AP3S1: variants seen among roughly 807,000 people sequenced by gnomAD.
AP3S1 encodes the protein adaptor related protein complex 3 subunit sigma 1, also known as AP-3 complex subunit sigma-1.
In AP3S1, 12 loss-of-function variants were observed where a neutral mutation model predicts 21.3. The ratio of observed to expected loss-of-function variants is 0.56; its 90% CI spans 0.36 to 0.91. The LOEUF (loss-of-function observed/expected upper bound fraction) is 0.91. AP3S1 is among the 40% of genes least tolerant of loss of function. AP3S1 has a pLI of 0.01. For synonymous variants in AP3S1, 48 were observed against 78.4 expected (o/e 0.61, Z 2.05); for missense variants, 116 against 225.0 (o/e 0.52, Z 3.10).
At chr5:115,859,562 C>T (rs1157285689) in intron 1 of AP3S1, among the ~76,000 whole-genome samples, 1 of 152,210 alleles carries the variant, frequency 6.6e-6, no homozygotes, top group Non-Finnish European at 1.5e-5. Context: ...GGAAGAGATA[C>T]ACCCAGTAGG....
intron 3 of AP3S1, among the ~76,000 whole-genome samples, chr5:115,888,088 T>C (rs565686150): frequency 1.3e-5 from 2 of 152,240 alleles, no homozygotes; most frequent in East Asian, 3.9e-4. Context: ...TTTGAATTCC[T>C]TGAGGACAGA....
chr5:115,862,322 T>TA (rs957641260), intron 1 of AP3S1, among the ~76,000 whole-genome samples: 23 of 151,580 alleles, frequency 1.5e-4, no homozygotes, highest in Admixed American at 6.6e-4. Context: ...CCTAGAAATA[T>TA]AAAAAAAAAT....
At chr5:115,881,615 C>G (rs1470148620) in intron 3 of AP3S1, among the ~76,000 whole-genome samples, 1 of 152,188 alleles carries the variant, frequency 6.6e-6, no homozygotes, top group African/African-American at 2.4e-5. Flanking sequence ...CCCAACCTTT[C>G]TCTCTGGCTA....
intron 3 of AP3S1, among the ~76,000 whole-genome samples, chr5:115,887,337 C>G (rs994105463): frequency 6.8e-6 from 1 of 147,998 alleles, no homozygotes; most frequent in Non-Finnish European, 1.5e-5. Context: ...AAAGACTTTT[C>G]GTATCTTATA....
chr5:115,857,327 T>C (rs990995750), intron 1 of AP3S1, among the ~76,000 whole-genome samples: 1 of 152,182 alleles, frequency 6.6e-6, no homozygotes, highest in Non-Finnish European at 1.5e-5. Context: ...TGTACACGTA[T>C]GTATAAAGTA....
intron 1 of AP3S1, among the ~76,000 whole-genome samples, chr5:115,847,846 T>C (rs1561468629): frequency 1.3e-5 from 2 of 152,218 alleles, no homozygotes; most frequent in Admixed American, 1.3e-4. Context: ...GAATAGTTCC[T>C]TGTAATATGC....
At chr5:115,899,746 A>G (rs1751053303) in intron 4 of AP3S1, among the ~76,000 whole-genome samples, 1 of 152,238 alleles carries the variant, frequency 6.6e-6, no homozygotes, top group African/African-American at 2.4e-5. Flanking sequence ...ATCCCAAAGC[A>G]TAAGACTGAA....
intron 3 of AP3S1, 65 bp downstream of exon 3, chr5:115,870,193 A>T (rs1039561565): frequency 1.0e-6 from 1 of 1,000,422 alleles, no homozygotes; most frequent in Non-Finnish European, 1.5e-6. Flanking sequence ...TTAAAAACTT[A>T]TATATTCTAA....
Position 115,913,736 on chromosome 5 carries a change from T to G in AP3S1, c.*246T>G, listed in dbSNP as rs959281937. 2.3e-5 allele frequency: 13 copies of G among 557,478 alleles called. No individual in the cohort carries two copies. The highest frequency in any genetic ancestry group is 3.2e-5 in the Non-Finnish European group (11 of 338,692). 34.5% of individuals were successfully genotyped at this position (557,478 alleles called of 1,614,324 possible). ...TTTTTTCTTTTCTAAACTGCATTCC[T>G]GTGCCCACCTACGGCATGCCTCTAT... On this transcript the variant is annotated 3_prime_UTR_variant, in exon 6 of 6. Transcript: ENST00000316788.
intron 1 of AP3S1, among the ~76,000 whole-genome samples, chr5:115,844,662 G>T (rs1254479262): frequency 6.6e-6 from 1 of 152,156 alleles, no homozygotes; most frequent in African/African-American, 2.4e-5. Flanking sequence ...TATTCTTGCT[G>T]CCTGGAATGT....
At chr5:115,885,577 G>A (rs1052014328) in intron 3 of AP3S1, among the ~76,000 whole-genome samples, 68 of 152,304 alleles carry the variant, frequency 4.5e-4, no homozygotes, top group African/African-American at 1.6e-3. Flanking sequence ...CACGCTGGCA[G>A]CCAGTTGGAT....
rs1752256903 is a variant in AP3S1 at position 115,913,415 on chromosome 5, T to C, written c.507T>C (p.Asn169=). Residue 169 remains asparagine (N), a synonymous_variant, in exon 6 of 6, where the codon AAT becomes AAC. Transcript: ENST00000316788. ...ARAVSAVKNM[N]LPEIPRNINI... is the part of the protein sequence containing the mutation. ...CTGTATCAGCTGTAAAGAATATGAA[T>C]CTTCCTGAGATCCCAAGAAATATTA... The C allele has an allele frequency of 1.2e-6, 2 of 1,613,862 alleles. No individual in the cohort carries two copies. Among genetic ancestry groups the C allele is most frequent in the Non-Finnish European group, 1.7e-6 (2 of 1,179,830 alleles).
chr5:115,868,951 AAGGGAGGGAGGGAGGGAGGG>A (rs56768905), intron 2 of AP3S1, among the ~76,000 whole-genome samples: 2 of 43,632 alleles, frequency 4.6e-5, no homozygotes, highest in Non-Finnish European at 8.1e-5. Flanking sequence ...GGAAGGAAGG[AAGGGAGGGAGGGAGGGAGGG>A]AGGGAGGGAG....
At chr5:115,842,596 T>A (rs1227925136) in intron 1 of AP3S1, 2 of 155,808 alleles carry the variant, frequency 1.3e-5, no homozygotes, top group Non-Finnish European at 2.8e-5. Flanking sequence ...TTTCTGTTCT[T>A]TGGACAGATG....
intron 1 of AP3S1, among the ~76,000 whole-genome samples, chr5:115,854,038 G>C (rs556787771): frequency 6.6e-6 from 1 of 152,166 alleles, no homozygotes; most frequent in African/African-American, 2.4e-5. Context: ...AGCCACGTGT[G>C]GTGAGGGCCT....
chr5:115,888,524 A>C (rs1749992545), intron 3 of AP3S1, among the ~76,000 whole-genome samples: 1 of 152,162 alleles, frequency 6.6e-6, no homozygotes, highest in Non-Finnish European at 1.5e-5. Context: ...TTTAAAACTG[A>C]ACAGAGTATC....
intron 5 of AP3S1, chr5:115,904,178 G>GA (rs1306662685): frequency 6.6e-6 from 1 of 152,054 alleles, no homozygotes; most frequent in East Asian, 1.9e-4. Context: ...ACTCAGATTG[G>GA]AAAAAACAGA....
intron 4 of AP3S1, among the ~76,000 whole-genome samples, chr5:115,896,659 G>C (rs767326880): frequency 6.6e-6 from 1 of 152,114 alleles, no homozygotes; most frequent in South Asian, 2.1e-4. Flanking sequence ...TGCATCTGTA[G>C]TCCTAGCTGG....
At chr5:115,849,385 A>G (rs1372893523) in intron 1 of AP3S1, among the ~76,000 whole-genome samples, 1 of 152,224 alleles carries the variant, frequency 6.6e-6, no homozygotes. Context: ...AGTAAAGAAA[A>G]GAATGTTTCA....
Sources: allele counts gnomAD v4.1 joint callset (sites outside exome capture counted in the v4.1 genomes callset), GRCh38; gene constraint gnomAD v4.1.1; transcripts MANE v1.5; gene names NCBI Gene and HGNC (gene_info 2026-07-23, HGNC 2026-07-21).